Variants in LTBP1 observed in about 807,000 individuals in gnomAD.
The protein encoded by LTBP1 is latent transforming growth factor beta binding protein 1, also known as latent-transforming growth factor beta-binding protein 1.
LTBP1 carries 129 observed loss-of-function variants against 207.6 expected under a neutral mutation model. The ratio of observed to expected loss-of-function variants is 0.62; its 90% confidence interval spans 0.54 to 0.72. LTBP1 has a LOEUF of 0.72. LTBP1 is among the 30% of genes least tolerant of loss of function. The pLI, the probability that LTBP1 is intolerant of heterozygous loss-of-function variation, is 0.00. For missense variants in LTBP1, 2,281 were observed against 2,217.2 expected (o/e 1.03, Z -0.58); for synonymous variants, 963 against 833.7 (o/e 1.16, Z -2.67).
intron 31 of LTBP1, among the ~76,000 whole-genome samples, chr2:33,385,023 G>A (rs984748506): frequency 6.6e-6 from 1 of 152,180 alleles, no homozygotes; most frequent in African/African-American, 2.4e-5. Context: ...TATTCTCTAT[G>A]TAAGACATTT....
chr2:32,964,391 C>G (rs953700682), intron 2 of LTBP1, among the ~76,000 whole-genome samples: 4 of 152,094 alleles, frequency 2.6e-5, no homozygotes, highest in African/African-American at 9.7e-5. Flanking sequence ...TAAATAAATG[C>G]AAAGACATGT....
At chr2:33,356,518 A>T (rs2094862955) in intron 26 of LTBP1, among the ~76,000 whole-genome samples, 1 of 152,146 alleles carries the variant, frequency 6.6e-6, no homozygotes, top group African/African-American at 2.4e-5. Flanking sequence ...TCTCTACTAA[A>T]AATACAAAAA....
rs2078774784 is a variant in LTBP1, at chr2:33,086,729, T to C, written c.864-23853T>C. Among the ~76,000 whole-genome samples, 4 of 152,288 alleles carry C rather than the reference T, an allele frequency of 2.6e-5. No individual in the cohort carries two copies. The South Asian group carries it at 8.3e-4, about 32-fold the overall frequency. ...ATACAATTGTTATCTCTACTGGCTT[T>C]GTTGGCAAGTTTTAATTCACAAGGA... On this transcript the variant is annotated intron_variant, in intron 3 of 33. Transcript: ENST00000404816.
chr2:33,260,578 A>G (rs2147960120), intron 13 of LTBP1, among the ~76,000 whole-genome samples: 1 of 152,366 alleles, frequency 6.6e-6, no homozygotes, highest in Middle Eastern at 3.4e-3. Flanking sequence ...GTCATAACAT[A>G]AGTGCTGAAA....
At chr2:33,176,223 T>C (rs2086038413) in intron 5 of LTBP1, among the ~76,000 whole-genome samples, 2 of 111,286 alleles carry the variant, frequency 1.8e-5, no homozygotes, top group Admixed American at 1.8e-4. Context: ...TGTTAATTAA[T>C]TAATCTATTT....
chr2:32,982,669 T>G (rs1682943219), intron 2 of LTBP1, among the ~76,000 whole-genome samples: 1 of 152,158 alleles, frequency 6.6e-6, no homozygotes, highest in African/African-American at 2.4e-5. Context: ...TGAGCTCCAG[T>G]GCTCCAGCTG....
At chr2:33,389,366 C>A in intron 32 of LTBP1, 60 bp downstream of exon 32, 1 of 1,599,428 alleles carries the variant, frequency 6.3e-7, no homozygotes, top group South Asian at 1.1e-5. Context: ...AATCAGTGGT[C>A]CTCAAAATGT....
chr2:33,171,765 G>A (rs1435657350), intron 5 of LTBP1, among the ~76,000 whole-genome samples: 8 of 151,994 alleles, frequency 5.3e-5, no homozygotes, highest in South Asian at 2.1e-4. Flanking sequence ...GAGAAAGGTC[G>A]GGTTACCCAC....
At chr2:33,140,043 G>T (rs1170423021) in intron 5 of LTBP1, among the ~76,000 whole-genome samples, 2 of 152,182 alleles carry the variant, frequency 1.3e-5, no homozygotes, top group East Asian at 3.8e-4. Flanking sequence ...GTTTTAAGAG[G>T]CTAAATAAGT....
chr2:33,025,153 T>G (rs1281796843), intron 3 of LTBP1, among the ~76,000 whole-genome samples: 1 of 152,210 alleles, frequency 6.6e-6, no homozygotes, highest in Non-Finnish European at 1.5e-5. Context: ...GGTCTTGGTC[T>G]TAAGGATGCC....
At position 33,222,169 on chromosome 2, in the gene LTBP1, C is replaced by G; in HGVS notation, c.1876+18C>G. On this transcript the variant is annotated intron_variant, in intron 9 of 33. Coordinates refer to ENST00000404816, the MANE Select transcript of LTBP1 (RefSeq NM_206943.4). ...TTGCCAAGGTAAGACTAACTGAATT[C>G]ATTGATGTGGACTCAACAGTTGTTT... 6.4e-7 allele frequency: 1 copy of G among 1,566,766 alleles called. No individual in the cohort carries two copies. The highest frequency in any genetic ancestry group is 2.2e-5 in the East Asian group (1 of 44,686).
At chr2:33,248,054 T>C (rs1166208747) in intron 10 of LTBP1, among the ~76,000 whole-genome samples, 2 of 152,216 alleles carry the variant, frequency 1.3e-5, no homozygotes, top group Non-Finnish European at 2.9e-5. Context: ...GTTCTTTTCT[T>C]TCTACCTTCT....
intron 5 of LTBP1, among the ~76,000 whole-genome samples, chr2:33,138,547 T>C (rs567777201): frequency 6.6e-6 from 1 of 152,282 alleles, no homozygotes; most frequent in African/African-American, 2.4e-5. Flanking sequence ...TTCACCGTTG[T>C]TGTTTTAAAG....
chr2:33,082,431 A>AATTTTTTTTTTT lies in LTBP1; in HGVS notation c.864-28151_864-28150insATTTTTTTTTTT, dbSNP rs2078468929. ...GTTAACCGTGGCTAAAGTATGACTC[A>AATTTTTTTTTTT]CTTTTTTTTTTTTTTTTTTTTTTTT... On this transcript the variant is annotated intron_variant, in intron 3 of 33. Coordinates refer to ENST00000404816, the MANE Select transcript of LTBP1 (RefSeq NM_206943.4). Among the ~76,000 whole-genome samples the AATTTTTTTTTTT allele has an allele frequency of 1.5e-4, 17 of 116,044 alleles. 8 individuals carry two copies. The highest frequency in any genetic ancestry group is 6.9e-5 in the Non-Finnish European group (4 of 58,288). The allele number at this position is 116,044 out of a possible 152,430, so 76.1% of individuals were successfully genotyped here.
chr2:33,215,275 C>G (rs952098889), intron 7 of LTBP1, among the ~76,000 whole-genome samples: 1 of 152,020 alleles, frequency 6.6e-6, no homozygotes, highest in Non-Finnish European at 1.5e-5. Flanking sequence ...ATGCACTCTA[C>G]GTTATGGGTA....
At chr2:33,273,241 T>C (rs2093358359) in intron 15 of LTBP1, among the ~76,000 whole-genome samples, 8 of 152,190 alleles carry the variant, frequency 5.3e-5, no homozygotes, top group Admixed American at 5.2e-4. Context: ...AGTTACAATG[T>C]GTTTCTTATC....
At chr2:33,138,780 G>C (rs1169987715) in intron 5 of LTBP1, among the ~76,000 whole-genome samples, 1 of 148,396 alleles carries the variant, frequency 6.7e-6, no homozygotes, top group Non-Finnish European at 1.5e-5. Flanking sequence ...TGAATCTAAA[G>C]ACTCATGTTC....
At chr2:33,332,105 T>C (rs968602148) in intron 24 of LTBP1, among the ~76,000 whole-genome samples, 1 of 152,080 alleles carries the variant, frequency 6.6e-6, no homozygotes, top group African/African-American at 2.4e-5. Context: ...TATTTTTGTT[T>C]GTACAGTTGT....
At chr2:33,149,178 G>C (rs2083295129) in intron 5 of LTBP1, among the ~76,000 whole-genome samples, 1 of 136,210 alleles carries the variant, frequency 7.3e-6, no homozygotes, top group South Asian at 2.3e-4. Flanking sequence ...TCGTGCCACT[G>C]CACTCCAGCC....
Sources: allele counts gnomAD v4.1 joint callset (sites outside exome capture counted in the v4.1 genomes callset), GRCh38; gene constraint gnomAD v4.1.1; transcripts MANE v1.5; gene names NCBI Gene and HGNC (gene_info 2026-07-23, HGNC 2026-07-21).